SOX30: variants seen among roughly 807,000 people sequenced by gnomAD.
SOX30 encodes the protein transcription factor SOX-30.
In SOX30, 17 loss-of-function variants were observed where a neutral mutation model predicts 58.6. That is an observed-to-expected ratio of 0.29 (90% CI 0.20 to 0.44). SOX30 has a LOEUF of 0.44. Among genes scored for constraint, SOX30 ranks in the 20% least tolerant of loss-of-function variants. The probability of loss-of-function intolerance (pLI) is 1.00; values close to 1 mark genes in which losing one functional copy is unlikely to be tolerated. For synonymous variants in SOX30, 421 were observed against 400.2 expected, an observed-to-expected ratio of 1.05 and a Z score of -0.62; for missense variants, 951 against 965.8, an observed-to-expected ratio of 0.98 and a Z score of 0.20.
At chr5:157,632,155 T>C (rs2113834229) in intron 4 of SOX30, among the ~76,000 whole-genome samples, 1 of 151,314 alleles carries the variant, frequency 6.6e-6, no homozygotes, top group African/African-American at 2.4e-5. Flanking sequence ...CAATGTTCTG[T>C]GCCCCATAGA....
intron 2 of SOX30, among the ~76,000 whole-genome samples, chr5:157,647,965 A>T (rs1268255142): frequency 6.6e-6 from 1 of 152,194 alleles, no homozygotes; most frequent in East Asian, 1.9e-4. Flanking sequence ...GAACAGTGGA[A>T]CTATGGCATT....
chr5:157,660,910 G>A (rs1225535980), intron 2 of SOX30, among the ~76,000 whole-genome samples: 1 of 152,154 alleles, frequency 6.6e-6, no homozygotes. Context: ...CTGACACCTT[G>A]ATGATACTGT....
In SOX30 at chr5:157,652,292, C is replaced by T. The variant is rs1261918581; in HGVS notation, c.-214G>A. On this transcript the variant is annotated 5_prime_UTR_variant, in exon 1 of 5. The change abolishes the stop of an existing upstream ORF in the 5' untranslated region. Transcript: ENST00000265007. ...CGGGTTTTCCGGCTCTTCCTGGTCCCTACTCTCGCCTCGTGCTGAGTCCTC... is the reference window on the plus strand; with the variant it reads ...CGGGTTTTCCGGCTCTTCCTGGTCCTTACTCTCGCCTCGTGCTGAGTCCTC... The T allele has an allele frequency of 4.8e-6, 6 of 1,244,444 alleles. No individual in the cohort carries two copies. In the African/African-American group the frequency reaches 6.2e-5, roughly 13 times the overall value. The allele number at this position is 1,244,444 out of a possible 1,614,324, so 77.1% of individuals were successfully genotyped here.
rs773639235 is a variant in SOX30, at chr5:157,651,614, G to A, written c.465C>T (p.Ala155=). The change falls in exon 1 of 5, where the codon GCC becomes GCT. Residue 155 remains alanine (A), a synonymous_variant. Coordinates refer to ENST00000265007, the MANE Select transcript of SOX30 (RefSeq NM_178424.2). The part of the protein sequence containing the change: ...SLDQSVGPRG[A]VETGPRASRV... ...TGGAGGCTCTAGGACCGGTTTCGAC[G>A]GCCCCTCGAGGCCCCACTGACTGAT... The A allele has an allele frequency of 6.2e-7, 1 of 1,612,636 alleles. No homozygotes were observed. Among genetic ancestry groups the A allele is most frequent in the African/African-American group, 1.3e-5 (1 of 74,922 alleles).
chr5:157,638,811 C>G, intron 3 of SOX30, 89 bp from the exon 4 acceptor site: 3 of 1,307,872 alleles, frequency 2.3e-6, no homozygotes, highest in Middle Eastern at 4.2e-4. Flanking sequence ...ATTGTATAAG[C>G]AGAGGCCTTC....
intron 4 of SOX30, among the ~76,000 whole-genome samples, chr5:157,637,842 TGC>T (rs915544789): frequency 2.6e-4 from 39 of 152,230 alleles, no homozygotes; most frequent in African/African-American, 8.9e-4. Flanking sequence ...CACAGGCACG[TGC>T]CACCACGCCT....
rs996358272 is a variant in SOX30 at position 157,642,871 on chromosome 5, C to T, written c.1387+3766G>A. On this transcript the variant is annotated intron_variant, in intron 3 of 4. Coordinates refer to ENST00000265007, the MANE Select transcript of SOX30 (RefSeq NM_178424.2). ...AATCGGTGGAATTATTTAGTCATTA[C>T]GGTATAAACAGCAACTGACAGAGAA... 3.3e-5 allele frequency among the ~76,000 whole-genome samples: 5 copies of T among 152,068 alleles called. No homozygotes were observed. The East Asian group carries it at 5.8e-4, about 18-fold the overall frequency.
At position 157,638,571 on chromosome 5, in the gene SOX30, A is replaced by G. The variant is rs2113839094; in HGVS notation, c.1539T>C (p.Phe513=). Reference sequence around the variant, plus strand: ...GAGTGTCTGTTTGGGAAGGCCCAGTAAAGCGTTGGGGTGGGAGTGCTGGAT... The same window carrying G: ...GAGTGTCTGTTTGGGAAGGCCCAGTGAAGCGTTGGGGTGGGAGTGCTGGAT... The part of the protein sequence containing the change: ...PVYPALPPQR[F]TGPSQTDTHQ... The change falls in exon 4 of 5, where the codon TTT becomes TTC. Residue 513 remains phenylalanine (F), a synonymous_variant. Transcript: ENST00000265007. 1 of 1,614,172 alleles carries G rather than the reference A, an allele frequency of 6.2e-7. No individual in the cohort carries two copies. Among genetic ancestry groups the G allele is most frequent in the African/African-American group, 1.3e-5 (1 of 75,038 alleles).
At chr5:157,644,305 C>A (rs1296258782) in intron 3 of SOX30, among the ~76,000 whole-genome samples, 4 of 152,016 alleles carry the variant, frequency 2.6e-5, no homozygotes, top group African/African-American at 7.3e-5. Context: ...TACATGTCAC[C>A]AGAAATAAGA....
chr5:157,665,760 C>T (rs1759658891), intron 2 of SOX30, among the ~76,000 whole-genome samples: 2 of 150,340 alleles, frequency 1.3e-5, no homozygotes, highest in Non-Finnish European at 3.0e-5. Context: ...AGGTACTTGA[C>T]ATCTATTGTG....
chr5:157,659,994 T>C (rs1017724141), intron 2 of SOX30, among the ~76,000 whole-genome samples: 2 of 152,254 alleles, frequency 1.3e-5, no homozygotes, highest in Non-Finnish European at 2.9e-5. Context: ...AAGTCTATTC[T>C]GTCAGTCTGA....
At chr5:157,639,251 C>CCTACTATCTGGTACTATCTGGTA (rs2113839607) in intron 3 of SOX30, among the ~76,000 whole-genome samples, 1 of 152,130 alleles carries the variant, frequency 6.6e-6, no homozygotes. Flanking sequence ...TCGTTTTATA[C>CCTACTATCTGGTACTATCTGGTA]CTACTGGTAC....
intron 4 of SOX30, among the ~76,000 whole-genome samples, chr5:157,635,504 G>A (rs1758905253): frequency 1.3e-5 from 2 of 151,944 alleles, no homozygotes; most frequent in Admixed American, 1.3e-4. Flanking sequence ...GGCACCTGTG[G>A]TCCCAGCTAC....
intron 4 of SOX30, among the ~76,000 whole-genome samples, chr5:157,630,918 CTATAT>C (rs1355723271): frequency 1.6e-5 from 2 of 121,692 alleles, no homozygotes; most frequent in Non-Finnish European, 3.3e-5. Flanking sequence ...TATATAATAT[CTATAT>C]TATATATTAT....
chr5:157,634,199 T>C (rs1383709701), intron 4 of SOX30, among the ~76,000 whole-genome samples: 1 of 152,218 alleles, frequency 6.6e-6, no homozygotes, highest in Non-Finnish European at 1.5e-5. Context: ...CAAAGTGAAC[T>C]GCGTAGCGAA....
At position 157,669,426 on chromosome 5, in the gene SOX30, C is replaced by T. The variant is rs1027507523; in HGVS notation, c.-3-1574G>A. Among the ~76,000 whole-genome samples the T allele has an allele frequency of 5.3e-5, 8 of 152,172 alleles. No homozygotes were observed. In the East Asian group the frequency reaches 1.2e-3, roughly 22 times the overall value. On this transcript the variant is annotated intron_variant, in intron 1 of 5. Coordinates refer to the SOX30 transcript ENST00000519442. ...TCTTAAACTCCTGACCTCTAGTGAT[C>T]TGCTCTCCCCGATCTCCCAAAGAGT...
At chr5:157,654,585 G>A (rs994339379), upstream of SOX30, among the ~76,000 whole-genome samples, 1 of 152,136 alleles carries the variant, frequency 6.6e-6, no homozygotes, top group African/African-American at 2.4e-5. Flanking sequence ...GTAGGTGCTG[G>A]GTAAAATGAG....
chr5:157,652,322 C>T lies in SOX30; in HGVS notation c.-244G>A. On this transcript the variant is annotated 5_prime_UTR_variant, in exon 1 of 5. It removes the in-frame stop codon of an upstream open reading frame in the 5' UTR. Coordinates refer to ENST00000265007, the MANE Select transcript of SOX30 (RefSeq NM_178424.2). ...CTCGCCTCGTGCTGAGTCCTCGAATCACCTGCCATGGTAGGAGCCGCCGCA... is the reference window on the plus strand; with the variant it reads ...CTCGCCTCGTGCTGAGTCCTCGAATTACCTGCCATGGTAGGAGCCGCCGCA... The T allele has an allele frequency of 8.2e-7, 1 of 1,216,866 alleles. No homozygotes were observed. The highest frequency in any genetic ancestry group is 1.0e-6 in the Non-Finnish European group (1 of 979,254). The allele number at this position is 1,216,866 out of a possible 1,614,324, so 75.4% of individuals were successfully genotyped here.
intron 2 of SOX30, among the ~76,000 whole-genome samples, chr5:157,663,518 A>G (rs1581408979): frequency 6.6e-6 from 1 of 152,202 alleles, no homozygotes; most frequent in Non-Finnish European, 1.5e-5. Context: ...CAAACACTGG[A>G]AGCATTCCCT....
Sources: gnomAD v4.1 joint callset for allele counts (sites outside exome capture counted in the v4.1 genomes callset) on GRCh38, gnomAD v4.1.1 for gene constraint, MANE v1.5 for transcripts, NCBI Gene and HGNC (gene_info 2026-07-23, HGNC 2026-07-21) for gene names.